TRAPPC9: variants seen among roughly 807,000 people sequenced by gnomAD.
TRAPPC9 encodes trafficking protein particle complex subunit 9.
TRAPPC9 carries 83 observed loss-of-function variants against 124.0 expected under a neutral mutation model. The ratio of observed to expected loss-of-function variants is 0.67; its 90% CI spans 0.56 to 0.80. The LOEUF (loss-of-function observed/expected upper bound fraction) is 0.80, where lower values mean the gene tolerates loss of function less well. TRAPPC9 is among the 30% of genes least tolerant of loss of function. The pLI, the probability that TRAPPC9 is intolerant of heterozygous loss-of-function variation, is 0.00. For synonymous variants in TRAPPC9, 638 were observed against 617.5 expected, an observed-to-expected ratio of 1.03 and a Z score of -0.49; for missense variants, 1,302 against 1,508.3, an observed-to-expected ratio of 0.86 and a Z score of 2.27.
At chr8:140,180,150 T>C (rs1290840153) in intron 17 of TRAPPC9, among the ~76,000 whole-genome samples, 1 of 151,726 alleles carries the variant, frequency 6.6e-6, no homozygotes, top group East Asian at 1.9e-4. Context: ...TTCTCTTCTT[T>C]TCCTCCCTTA....
At position 140,215,083 on chromosome 8, in the gene TRAPPC9, C is replaced by T. The variant is rs145405092; in HGVS notation, c.2556+6376G>A. 1.1e-3 allele frequency among the ~76,000 whole-genome samples: 172 copies of T among 152,272 alleles called. 1 individual carries two copies. The highest frequency in any genetic ancestry group is 3.2e-3 in the African/African-American group (135 of 41,550). On this transcript the variant is annotated intron_variant, in intron 17 of 22. Coordinates refer to ENST00000438773, the MANE Select transcript of TRAPPC9 (RefSeq NM_001160372.4). ...CACTTCACTTGCACAGCTCCCGCTC[C>T]GGTCCCCAGAGAGGCTCAGCCGTCC...
intron 17 of TRAPPC9, among the ~76,000 whole-genome samples, chr8:140,183,645 G>A (rs1446687102): frequency 1.3e-5 from 2 of 151,930 alleles, no homozygotes; most frequent in South Asian, 2.1e-4. Context: ...GATCACCTGA[G>A]GTCAGGGGTT....
At chr8:139,818,184 T>G (rs1004144155) in intron 21 of TRAPPC9, among the ~76,000 whole-genome samples, 1 of 152,196 alleles carries the variant, frequency 6.6e-6, no homozygotes, top group African/African-American at 2.4e-5. Flanking sequence ...GCTTCCTGCA[T>G]GCATGCCCTG....
At chr8:140,108,515 C>CGCCCCCCTT (rs2060707716) in intron 17 of TRAPPC9, among the ~76,000 whole-genome samples, 1 of 152,246 alleles carries the variant, frequency 6.6e-6, no homozygotes, top group Non-Finnish European at 1.5e-5. Context: ...AGCTCCCGCT[C>CGCCCCCCTT]GCCCCCCTTG....
chr8:139,963,371 C>G (rs1164421210), intron 19 of TRAPPC9, among the ~76,000 whole-genome samples: 1 of 152,124 alleles, frequency 6.6e-6, no homozygotes, highest in Non-Finnish European at 1.5e-5. Flanking sequence ...CCCTAGGCTT[C>G]CCAAGGATGG....
At chr8:139,886,965 G>A (rs1220001488) in intron 20 of TRAPPC9, among the ~76,000 whole-genome samples, 1 of 152,204 alleles carries the variant, frequency 6.6e-6, no homozygotes, top group Non-Finnish European at 1.5e-5. Context: ...GGAGCAGGAC[G>A]AAATGGAGGC....
At chr8:139,753,546 C>G (rs922218) in intron 21 of TRAPPC9, among the ~76,000 whole-genome samples, 1 of 152,254 alleles carries the variant, frequency 6.6e-6, no homozygotes, top group Non-Finnish European at 1.5e-5. Flanking sequence ...CCAGTGGCTG[C>G]TGAATGCTCA....
intron 20 of TRAPPC9, among the ~76,000 whole-genome samples, chr8:139,905,771 T>C (rs528098535): frequency 1.3e-5 from 2 of 152,014 alleles, no homozygotes; most frequent in Non-Finnish European, 2.9e-5. Flanking sequence ...GAATGATAAA[T>C]AGGGTTTAAG....
At chr8:139,911,709 GA>G (rs60646030) in intron 19 of TRAPPC9, among the ~76,000 whole-genome samples, 21,083 of 140,806 alleles carry the variant, frequency 0.15, 1,529 homozygotes, top group South Asian at 0.24. Context: ...TGTCTTAAAA[GA>G]AAAAAAAAAA....
At chr8:139,812,299 G>A (rs957780551) in intron 21 of TRAPPC9, among the ~76,000 whole-genome samples, 1 of 152,200 alleles carries the variant, frequency 6.6e-6, no homozygotes, top group African/African-American at 2.4e-5. Flanking sequence ...CAATCGCATT[G>A]TCACAGTAAA....
At chr8:140,061,865 A>T (rs557112751) in intron 17 of TRAPPC9, among the ~76,000 whole-genome samples, 24 of 152,268 alleles carry the variant, frequency 1.6e-4, no homozygotes, top group Non-Finnish European at 2.4e-4. Context: ...TCTCCAGGCC[A>T]GTCCTCCCAC....
At chr8:140,286,933 G>T (rs996733619) in intron 13 of TRAPPC9, among the ~76,000 whole-genome samples, 1 of 152,092 alleles carries the variant, frequency 6.6e-6, no homozygotes, top group Non-Finnish European at 1.5e-5. Flanking sequence ...AAGAAGTGGG[G>T]TGTGAGGAAG....
intron 21 of TRAPPC9, among the ~76,000 whole-genome samples, chr8:139,822,493 C>T (rs750099355): frequency 3.9e-5 from 6 of 152,166 alleles, no homozygotes; most frequent in East Asian, 1.9e-4. Flanking sequence ...ACTGGCAATC[C>T]GGGCCTGTGT....
chr8:139,954,988 T>C (rs1834882505), intron 19 of TRAPPC9, among the ~76,000 whole-genome samples: 1 of 152,248 alleles, frequency 6.6e-6, no homozygotes, highest in Non-Finnish European at 1.5e-5. Context: ...ATTTGGCATG[T>C]ATATAATTTG....
intron 5 of TRAPPC9, among the ~76,000 whole-genome samples, chr8:140,414,804 C>T (rs57794609): frequency 2.3e-4 from 35 of 151,844 alleles, no homozygotes; most frequent in Non-Finnish European, 7.4e-5. Context: ...TGCAGTGGTG[C>T]GATCTTGGCT....
chr8:140,222,018 G>A (rs1275227013), intron 16 of TRAPPC9, among the ~76,000 whole-genome samples: 1 of 152,146 alleles, frequency 6.6e-6, no homozygotes, highest in Non-Finnish European at 1.5e-5. Flanking sequence ...AGCTGAGAGT[G>A]CATCAGTCCT....
intron 20 of TRAPPC9, among the ~76,000 whole-genome samples, chr8:139,900,839 T>C (rs970960760): frequency 5.3e-5 from 8 of 152,150 alleles, no homozygotes; most frequent in Non-Finnish European, 1.0e-4. Context: ...AAGTCTACCA[T>C]GACCCGGTTT....
intron 19 of TRAPPC9, chr8:139,932,236 G>A (rs575407350): frequency 3.4e-5 from 15 of 435,608 alleles, no homozygotes; most frequent in Admixed American, 7.2e-5. Context: ...CCACTTCGCC[G>A]TGCAGCCGAG....
chr8:140,062,284 G>A (rs185208224), intron 17 of TRAPPC9, among the ~76,000 whole-genome samples: 8 of 152,252 alleles, frequency 5.3e-5, no homozygotes, highest in Admixed American at 4.6e-4. Flanking sequence ...TCTGATGCTC[G>A]GTATTCCATC....
Sources: allele counts gnomAD v4.1 joint callset (sites outside exome capture counted in the v4.1 genomes callset), GRCh38; gene constraint gnomAD v4.1.1; transcripts MANE v1.5; gene names NCBI Gene and HGNC (gene_info 2026-07-23, HGNC 2026-07-21).